The following SYNPO2 variants were observed in gnomAD, a reference collection of about 807,000 sequenced individuals.
The protein encoded by SYNPO2 is synaptopodin 2, also known as synaptopodin-2.
SYNPO2 carries 56 observed loss-of-function variants against 85.0 expected under a neutral mutation model. That is an observed-to-expected ratio of 0.66 (90% CI 0.53 to 0.82). The LOEUF (loss-of-function observed/expected upper bound fraction) is 0.82, where lower values mean the gene tolerates loss of function less well. SYNPO2 is among the 40% of genes least tolerant of loss of function. The pLI, the probability that SYNPO2 is intolerant of heterozygous loss-of-function variation, is 0.00. For synonymous variants in SYNPO2, 602 were observed against 591.1 expected (o/e 1.02, Z -0.27); for missense variants, 1,575 against 1,534.2 (o/e 1.03, Z -0.44).
chr4:119,034,541 T>C, intron 4 of SYNPO2: 41 of 985,540 alleles, frequency 4.2e-5, no homozygotes, highest in Non-Finnish European at 4.9e-5. Context: ...AAGAGGCATG[T>C]CAGGCATGCA....
intron 4 of SYNPO2, chr4:119,043,103 G>A (rs1238388317): frequency 6.6e-6 from 1 of 152,492 alleles, no homozygotes; most frequent in Non-Finnish European, 1.5e-5. Flanking sequence ...TTTGTTTTTA[G>A]ACAGAGTCTC....
chr4:119,032,296 T>C (rs1041968793), intron 4 of SYNPO2: 74 of 1,365,754 alleles, frequency 5.4e-5, no homozygotes, highest in Admixed American at 9.3e-5. Context: ...AAAATAGACA[T>C]GTACCGTTAT....
chr4:118,852,782 C>T lies in SYNPO2; in HGVS notation c.12+1842C>T, dbSNP rs147020091. 4.3e-3 allele frequency among the ~76,000 whole-genome samples: 661 copies of T among 152,168 alleles called. 4 individuals are homozygous for T. Among genetic ancestry groups the T allele is most frequent in the Non-Finnish European group, 7.7e-3 (521 of 68,008 alleles). On this transcript the variant is annotated intron_variant, in intron 1 of 4. Coordinates refer to the SYNPO2 transcript ENST00000610556. ...AACTAATGGGTACTAGGCTTAATAC[C>T]GGAGTGACAAAATAATCTGTACAAC...
At chr4:118,903,520 C>A (rs1732826512) in intron 1 of SYNPO2, among the ~76,000 whole-genome samples, 1 of 152,154 alleles carries the variant, frequency 6.6e-6, no homozygotes, top group African/African-American at 2.4e-5. Context: ...CCAGATGGAA[C>A]AACTTGCGAT....
At chr4:118,981,470 G>A (rs1380716761) in intron 1 of SYNPO2, among the ~76,000 whole-genome samples, 4 of 152,180 alleles carry the variant, frequency 2.6e-5, no homozygotes, top group Non-Finnish European at 5.9e-5. Flanking sequence ...AACAATCCTT[G>A]TGATTAATGT....
intron 1 of SYNPO2, among the ~76,000 whole-genome samples, chr4:118,928,214 T>C (rs2149131762): frequency 6.6e-6 from 1 of 152,350 alleles, no homozygotes; most frequent in East Asian, 1.9e-4. Context: ...GAAGTGTTGA[T>C]ATTTTATGGC....
At chr4:118,939,258 C>T (rs897868601) in intron 1 of SYNPO2, among the ~76,000 whole-genome samples, 2 of 152,176 alleles carry the variant, frequency 1.3e-5, no homozygotes, top group African/African-American at 4.8e-5. Context: ...GTTTAACCGT[C>T]GTGTCCTATT....
chr4:118,994,349 G>T (rs977309289), intron 1 of SYNPO2, among the ~76,000 whole-genome samples: 4 of 152,232 alleles, frequency 2.6e-5, no homozygotes, highest in African/African-American at 9.6e-5. Flanking sequence ...TAGAGGAGAG[G>T]TTTCCTAGGC....
chr4:119,024,508 T>G lies in SYNPO2; in HGVS notation c.257+927T>G, dbSNP rs538889678. On this transcript the variant is annotated intron_variant, in intron 2 of 4. Transcript: ENST00000307142. The stretch of plus-strand genomic sequence containing the variant: ...GTATGATTCTGTTCCGGGATGAAAA[T>G]GAACTCACTATGGCCAAAATCTTGA... Among the ~76,000 whole-genome samples the G allele has an allele frequency of 2.6e-5, 4 of 152,282 alleles. No individual in the cohort carries two copies. The East Asian group carries it at 5.8e-4, about 22-fold the overall frequency.
At chr4:119,015,572 C>T (rs56263364) in intron 1 of SYNPO2, among the ~76,000 whole-genome samples, 102,303 of 151,960 alleles carry the variant, frequency 0.67, 34,463 homozygotes, top group Middle Eastern at 0.73. Flanking sequence ...TTATGGATTC[C>T]AATTCATTTC....
chr4:118,913,306 C>T (rs1733201522), intron 1 of SYNPO2, among the ~76,000 whole-genome samples: 1 of 152,104 alleles, frequency 6.6e-6, no homozygotes, highest in African/African-American at 2.4e-5. Context: ...TCAAACTAGA[C>T]CCTGATGTCT....
chr4:119,007,281 T>C (rs1184763894), intron 1 of SYNPO2, among the ~76,000 whole-genome samples: 9 of 83,088 alleles, frequency 1.1e-4, no homozygotes, highest in Non-Finnish European at 1.8e-4. Context: ...TATATGTATA[T>C]ACATATATAT....
chr4:118,962,572 T>G (rs1188558510), intron 1 of SYNPO2, among the ~76,000 whole-genome samples: 1 of 152,210 alleles, frequency 6.6e-6, no homozygotes, highest in Non-Finnish European at 1.5e-5. Context: ...TCCCTAATTT[T>G]TCTAACATTT....
intron 1 of SYNPO2, among the ~76,000 whole-genome samples, chr4:118,889,857 A>G (rs959279039): frequency 1.3e-5 from 2 of 152,252 alleles, no homozygotes; most frequent in African/African-American, 4.8e-5. Context: ...TTTTATTGCC[A>G]TTAGATTGCC....
rs1734660981 is a variant in SYNPO2 at position 118,950,489 on chromosome 4, A to G, written c.105+61348A>G. On this transcript the variant is annotated intron_variant, in intron 1 of 4. Transcript: ENST00000307142. ...AAGGAATGCGCCAAGCAAGGGGAGT[A>G]GCTGAATAGGCTTAGGATTTGATAA... Among the ~76,000 whole-genome samples, 3 of 152,236 alleles carry G rather than the reference A, an allele frequency of 2.0e-5. No individual in the cohort carries two copies. In the South Asian group the frequency reaches 6.2e-4, roughly 32 times the overall value.
chr4:119,049,628 C>G (rs1738973294), intron 4 of SYNPO2, among the ~76,000 whole-genome samples: 1 of 152,214 alleles, frequency 6.6e-6, no homozygotes, highest in Admixed American at 6.5e-5. Context: ...TCAGATTACA[C>G]TTTCTTTTTG....
chr4:118,948,191 G>T, intron 1 of SYNPO2, among the ~76,000 whole-genome samples: 1 of 152,102 alleles, frequency 6.6e-6, no homozygotes, highest in Non-Finnish European at 1.5e-5. Flanking sequence ...TTAATTAGTT[G>T]ATTGCACTAA....
At chr4:119,037,133 C>T in intron 4 of SYNPO2, 1 of 1,540,864 alleles carries the variant, frequency 6.5e-7, no homozygotes, top group Non-Finnish European at 8.8e-7. Context: ...ATCTGGGATC[C>T]ATAGTCAAGA....
Position 119,012,393 on chromosome 4 carries a change from T to TTTTTTTA in SYNPO2, c.106-11037_106-11036insTTTTTTA, listed in dbSNP as rs1553946399. 2.1e-4 allele frequency among the ~76,000 whole-genome samples: 27 copies of TTTTTTTA among 130,834 alleles called. 1 individual carries two copies. Among genetic ancestry groups the TTTTTTTA allele is most frequent in the African/African-American group, 2.5e-4 (9 of 36,380 alleles). 85.8% of individuals were successfully genotyped at this position (130,834 alleles called of 152,430 possible). ...CCCTTTTCTTTTTTTTTTTTTTTTT[T>TTTTTTTA]ATTTTACTTTAAGTTCTGGGATACA... On this transcript the variant is annotated intron_variant, in intron 1 of 4. Transcript: ENST00000307142.
Sources: gnomAD v4.1 joint callset for allele counts (sites outside exome capture counted in the v4.1 genomes callset) on GRCh38, gnomAD v4.1.1 for gene constraint, MANE v1.5 for transcripts, NCBI Gene and HGNC (gene_info 2026-07-23, HGNC 2026-07-21) for gene names.